C20orf96: variants seen among roughly 807,000 people sequenced by gnomAD.
The protein encoded by C20orf96 is uncharacterized protein C20orf96.
In C20orf96, 57 loss-of-function variants were observed where a neutral mutation model predicts 52.6. The ratio of observed to expected loss-of-function variants is 1.08; its 90% CI spans 0.88 to 1.35. The LOEUF (loss-of-function observed/expected upper bound fraction) is 1.35. C20orf96 is among the 40% of genes most tolerant of loss of function. The pLI, the probability that C20orf96 is intolerant of heterozygous loss-of-function variation, is 0.00. For synonymous variants in C20orf96, 168 were observed against 157.2 expected (o/e 1.07, Z -0.51); for missense variants, 478 against 443.6 (o/e 1.08, Z -0.70).
intron 9 of C20orf96, 90 bp from the exon 10 acceptor site, chr20:276,176 A>C (rs2012017875): frequency 5.0e-6 from 8 of 1,596,994 alleles, no homozygotes; most frequent in Non-Finnish European, 6.8e-6. Context: ...GAGCAAAGCT[A>C]TCTGGGGAAA....
intron 10 of C20orf96, among the ~76,000 whole-genome samples, chr20:275,606 G>A (rs56702461): frequency 0.085 from 12,978 of 152,200 alleles, 730 homozygotes; most frequent in African/African-American, 0.15. Flanking sequence ...CTTGTAGAGT[G>A]TCTTCCAGGC....
intron 3 of C20orf96, among the ~76,000 whole-genome samples, chr20:285,508 T>C (rs925381818): frequency 6.6e-6 from 1 of 152,236 alleles, no homozygotes; most frequent in East Asian, 1.9e-4. Flanking sequence ...TTGTATTGTA[T>C]AAGAGATAGA....
intron 10 of C20orf96, among the ~76,000 whole-genome samples, chr20:275,065 C>T (rs1002061541): frequency 6.6e-6 from 1 of 152,230 alleles, no homozygotes; most frequent in African/African-American, 2.4e-5. Flanking sequence ...GATCCACCGG[C>T]CTTGGCCTCC....
At chr20:271,587 G>A (rs1038005108) in intron 10 of C20orf96, among the ~76,000 whole-genome samples, 1 of 152,140 alleles carries the variant, frequency 6.6e-6, no homozygotes, top group African/African-American at 2.4e-5. Context: ...AATGCTGAGG[G>A]CCCTCAAGAT....
intron 10 of C20orf96, among the ~76,000 whole-genome samples, chr20:275,306 T>A (rs74671509): frequency 0.027 from 4,110 of 151,830 alleles, 75 homozygotes; most frequent in African/African-American, 0.053. Flanking sequence ...AATCCAATAG[T>A]ATTTTGTTTT....
chr20:287,864 G>C (rs1028609541), intron 3 of C20orf96, among the ~76,000 whole-genome samples: 2 of 129,106 alleles, frequency 1.5e-5, no homozygotes, highest in African/African-American at 6.1e-5. Context: ...AGCTGAGATC[G>C]CACCACTGCA....
chr20:290,359 C>T, intron 1 of C20orf96, 52 bp from the exon 2 acceptor site: 1 of 1,600,012 alleles, frequency 6.2e-7, no homozygotes, highest in African/African-American at 1.3e-5. Context: ...GCCCAAGGGG[C>T]AGCAAGCAGC....
In C20orf96 at chr20:279,316, G is replaced by A; in HGVS notation, c.321C>T (p.Ser107=). 1.2e-6 allele frequency: 2 copies of A among 1,605,826 alleles called. No individual in the cohort carries two copies. Among genetic ancestry groups the A allele is most frequent in the East Asian group, 2.2e-5 (1 of 44,636 alleles). The change falls in exon 5 of 11, where the codon AGC becomes AGT. Residue 107 remains serine (S), a synonymous_variant. Transcript: ENST00000360321. ...KIWLMKTSLR[S]GRAALRELRS... ...GGAGCTCTCGCAGAGCGGCCCTCCC[G>A]CTCCTGAGCGAGGTCTGCGGGCGGA...
intron 9 of C20orf96, chr20:276,478 T>C (rs2012027030): frequency 2.0e-6 from 2 of 985,296 alleles, no homozygotes; most frequent in Middle Eastern, 5.2e-4. Context: ...TGATAATGGG[T>C]GGTGGGCAGT....
In C20orf96 at chr20:283,789, C is replaced by T. The variant is rs115372049; in HGVS notation, c.306+174G>A. Among the ~76,000 whole-genome samples the T allele has an allele frequency of 9.0e-3, 1,368 of 152,238 alleles. 21 individuals are homozygous for T. Among genetic ancestry groups the T allele is most frequent in the African/African-American group, 0.031 (1,280 of 41,514 alleles). On this transcript the variant is annotated intron_variant, in intron 4 of 10. Coordinates refer to ENST00000360321, the MANE Select transcript of C20orf96 (RefSeq NM_153269.3). The stretch of plus-strand genomic sequence containing the variant: ...CTGGTGCATGTCATTTATCTCCCTG[C>T]GCCTCAGTTTCCCGGTTTGTAAAAT...
intron 3 of C20orf96, 25 bp downstream of exon 3, chr20:289,534 C>T (rs1377920623): frequency 6.6e-7 from 1 of 1,526,688 alleles, no homozygotes; most frequent in Non-Finnish European, 9.1e-7. Flanking sequence ...AACCCCCACA[C>T]CAGCTCCCAG....
intron 4 of C20orf96, 75 bp from the exon 5 acceptor site, chr20:279,405 G>A (rs1380475324): frequency 5.1e-5 from 74 of 1,450,036 alleles, no homozygotes; most frequent in Non-Finnish European, 6.3e-5. Flanking sequence ...CCGTGGACCC[G>A]CCGCCCCGGC....
At chr20:278,978 G>C (rs1271400866) in intron 5 of C20orf96, among the ~76,000 whole-genome samples, 194 bp downstream of exon 5, 3 of 2,594 alleles carry the variant, frequency 1.2e-3, no homozygotes, top group Admixed American at 1.9e-3. Context: ...GAGGGAGGGA[G>C]GGAGGGACGG....
intron 4 of C20orf96, among the ~76,000 whole-genome samples, chr20:282,881 T>G (rs1301518915): frequency 6.6e-6 from 1 of 151,694 alleles, no homozygotes; most frequent in African/African-American, 2.4e-5. Context: ...CAAAAAAAAA[T>G]TTTTTTAAAA....
rs953938136 is a variant in C20orf96 at position 274,933 on chromosome 20, C to T, written c.1031+1035G>A. On this transcript the variant is annotated intron_variant, in intron 10 of 10. Transcript: ENST00000360321. ...CTTCCAGGTTCAAGCAATTCTCTGC[C>T]TCAGCCTCCCGAGTAGCTGGGATTA... Among the ~76,000 whole-genome samples the T allele has an allele frequency of 5.3e-5, 8 of 152,272 alleles. 1 individual carries two copies. In the East Asian group the frequency reaches 1.5e-3, roughly 29 times the overall value.
At position 276,654 on chromosome 20, in the gene C20orf96, G is replaced by A. The variant is rs559493479; in HGVS notation, c.912+139C>T. The A allele has an allele frequency of 8.8e-4, 1,300 of 1,477,574 alleles. 5 individuals are homozygous for A. The highest frequency in any genetic ancestry group is 1.1e-3 in the Non-Finnish European group (1,227 of 1,112,896). 91.5% of individuals were successfully genotyped at this position (1,477,574 alleles called of 1,614,324 possible). ...AAAGACAAGTGACAGTAATGGCACCGGCAAGGAGGGAGGCCAACACCAGAG... is the reference window on the plus strand; with the variant it reads ...AAAGACAAGTGACAGTAATGGCACCAGCAAGGAGGGAGGCCAACACCAGAG... On this transcript the variant is annotated intron_variant, in intron 9 of 10. Transcript: ENST00000360321.
chr20:277,041 C>G lies in C20orf96; in HGVS notation c.825+3G>C, dbSNP rs760632477. 1 of 1,612,380 alleles carries G rather than the reference C, an allele frequency of 6.2e-7. No homozygotes were observed. The highest frequency in any genetic ancestry group is 8.5e-7 in the Non-Finnish European group (1 of 1,179,064). On this transcript the variant is annotated splice_donor_region_variant and intron_variant, in intron 8 of 10. Coordinates refer to ENST00000360321, the MANE Select transcript of C20orf96 (RefSeq NM_153269.3). Reference sequence around the variant, plus strand: ...CGCTCCCACACAGCAACTGGCTACTCACCGCCACCACAGAACTCAGAATTT... The same window carrying G: ...CGCTCCCACACAGCAACTGGCTACTGACCGCCACCACAGAACTCAGAATTT...
At position 276,078 on chromosome 20, in the gene C20orf96, G is replaced by C. The variant is rs2122242060; in HGVS notation, c.921C>G (p.Asp307Glu). Reference sequence around the variant, plus strand: ...ATACAGGCATGTTCTCCTCAAACTGGTCAATAATCTGAGAGGAAAGGCACA... The same window carrying C: ...ATACAGGCATGTTCTCCTCAAACTGCTCAATAATCTGAGAGGAAAGGCACA... The part of the protein sequence containing the change: ...KCMQRFREII[D>E]QFEENMPVLR... The change falls in exon 10 of 11, where the codon GAC (aspartate) becomes GAG (glutamate). Residue 307 changes from aspartate (D) to glutamate (E), a missense_variant. Asp to Glu is a conservative substitution (Grantham distance 45, BLOSUM62 2). Transcript: ENST00000360321. 1 of 1,614,058 alleles carries C rather than the reference G, an allele frequency of 6.2e-7. No homozygotes were observed. Among genetic ancestry groups the C allele is most frequent in the East Asian group, 2.2e-5 (1 of 44,876 alleles).
intron 1 of C20orf96, 78 bp downstream of exon 1, chr20:290,513 G>A: frequency 6.3e-7 from 1 of 1,581,600 alleles, no homozygotes; most frequent in Admixed American, 1.8e-5. Context: ...AGGCGAGGGC[G>A]GGACAGCGGC....
Sources: allele counts gnomAD v4.1 joint callset (sites outside exome capture counted in the v4.1 genomes callset), GRCh38; gene constraint gnomAD v4.1.1; transcripts MANE v1.5; gene names NCBI Gene and HGNC (gene_info 2026-07-23, HGNC 2026-07-21).